Variants in COMMD10 observed in about 807,000 individuals in gnomAD.
The protein encoded by COMMD10 is COMM domain-containing protein 10.
Under a neutral mutation model 28.9 loss-of-function variants are expected in COMMD10, and 33 were observed. The observed-to-expected ratio is 1.14, with a 90% CI of 0.87 to 1.53. The LOEUF (loss-of-function observed/expected upper bound fraction) is 1.53. Ranked by LOEUF, COMMD10 falls within the 40% of genes most tolerant of loss-of-function variation. The pLI, the probability that COMMD10 is intolerant of heterozygous loss-of-function variation, is 0.00. For missense variants in COMMD10, 310 were observed against 233.4 expected, an observed-to-expected ratio of 1.33 and a Z score of -2.14; for synonymous variants, 110 against 81.7, an observed-to-expected ratio of 1.35 and a Z score of -1.87.
intron 4 of COMMD10, among the ~76,000 whole-genome samples, chr5:116,121,464 T>C (rs992760456): frequency 1.3e-5 from 2 of 152,146 alleles, no homozygotes; most frequent in Non-Finnish European, 2.9e-5. Flanking sequence ...GTCTTTATAG[T>C]AGCATGATTT....
chr5:116,144,337 G>T (rs1019121328), intron 5 of COMMD10, among the ~76,000 whole-genome samples: 1 of 151,854 alleles, frequency 6.6e-6, no homozygotes, highest in African/African-American at 2.4e-5. Flanking sequence ...AGTAAAGTTA[G>T]AGGGAAGCAG....
At chr5:116,212,887 T>C (rs1418080313) in intron 5 of COMMD10, among the ~76,000 whole-genome samples, 1 of 152,050 alleles carries the variant, frequency 6.6e-6, no homozygotes, top group Non-Finnish European at 1.5e-5. Flanking sequence ...CATAATAAAA[T>C]TTATGTCATG....
chr5:116,284,793 A>G (rs79438254), intron 5 of COMMD10, among the ~76,000 whole-genome samples: 4,514 of 151,920 alleles, frequency 0.03, 329 homozygotes, highest in African/African-American at 0.11. Context: ...GAGTTGACTC[A>G]TAGGCCAGAA....
intron 5 of COMMD10, among the ~76,000 whole-genome samples, chr5:116,161,418 G>C (rs1752911768): frequency 6.6e-6 from 1 of 151,994 alleles, no homozygotes; most frequent in Non-Finnish European, 1.5e-5. Flanking sequence ...TTCAGGTGAA[G>C]TTACAAGTGC....
intron 4 of COMMD10, among the ~76,000 whole-genome samples, chr5:116,128,448 A>G (rs1561618558): frequency 1.3e-5 from 2 of 152,082 alleles, no homozygotes; most frequent in Admixed American, 6.6e-5. Context: ...AATATGAAAT[A>G]ATAAAGAAAT....
At chr5:116,158,613 A>G (rs72804847) in intron 5 of COMMD10, among the ~76,000 whole-genome samples, 3,355 of 147,568 alleles carry the variant, frequency 0.023, 75 homozygotes, top group Middle Eastern at 0.042. Context: ...AAGTGCTGGG[A>G]TTATAGGAAT....
At chr5:116,154,859 A>C (rs1752654955) in intron 5 of COMMD10, among the ~76,000 whole-genome samples, 1 of 151,982 alleles carries the variant, frequency 6.6e-6, no homozygotes, top group Non-Finnish European at 1.5e-5. Context: ...CTTTAGTGCA[A>C]AAGGTAATAA....
intron 4 of COMMD10, among the ~76,000 whole-genome samples, chr5:116,127,529 A>T (rs1452808960): frequency 6.6e-6 from 1 of 152,218 alleles, no homozygotes; most frequent in Non-Finnish European, 1.5e-5. Flanking sequence ...AGCAACCCAA[A>T]TTTCCGTCAA....
At chr5:116,100,720 TGAAG>T (rs1388297162) in intron 4 of COMMD10, among the ~76,000 whole-genome samples, 2 of 152,182 alleles carry the variant, frequency 1.3e-5, no homozygotes, top group African/African-American at 4.8e-5. Flanking sequence ...AGAATATGAT[TGAAG>T]GGATTTTAAA....
At chr5:116,267,918 C>G (rs1185788278) in intron 5 of COMMD10, among the ~76,000 whole-genome samples, 1 of 151,802 alleles carries the variant, frequency 6.6e-6, no homozygotes, top group African/African-American at 2.4e-5. Context: ...GAAACTGGAT[C>G]CCTTCCTTAC....
intron 5 of COMMD10, among the ~76,000 whole-genome samples, chr5:116,270,443 G>C (rs1320149347): frequency 6.6e-6 from 1 of 151,880 alleles, no homozygotes; most frequent in Non-Finnish European, 1.5e-5. Context: ...GTCTTTTGTA[G>C]AGAGTAGCAT....
intron 5 of COMMD10, among the ~76,000 whole-genome samples, chr5:116,257,628 C>T (rs575209003): frequency 6.6e-6 from 1 of 151,580 alleles, no homozygotes; most frequent in Non-Finnish European, 1.5e-5. Flanking sequence ...TACCTGAAAT[C>T]ATGGTACTAG....
At chr5:116,141,568 G>A (rs562953531) in intron 5 of COMMD10, among the ~76,000 whole-genome samples, 50 of 151,738 alleles carry the variant, frequency 3.3e-4, no homozygotes, top group African/African-American at 1.2e-3. Flanking sequence ...ATTTAATTAT[G>A]TCATCTTCAA....
chr5:116,282,884 T>A (rs1268872940), intron 5 of COMMD10, among the ~76,000 whole-genome samples: 1 of 151,886 alleles, frequency 6.6e-6, no homozygotes, highest in African/African-American at 2.4e-5. Context: ...ACTTAAAAAT[T>A]TTGAGAACAC....
intron 5 of COMMD10, among the ~76,000 whole-genome samples, chr5:116,203,778 G>A (rs934145097): frequency 6.6e-6 from 1 of 152,092 alleles, no homozygotes; most frequent in Admixed American, 6.6e-5. Context: ...ACCAGCCACA[G>A]CAAAATCATG....
At chr5:116,172,758 G>A (rs2112584096) in intron 5 of COMMD10, among the ~76,000 whole-genome samples, 1 of 152,284 alleles carries the variant, frequency 6.6e-6, no homozygotes, top group East Asian at 1.9e-4. Context: ...GTGCATAGAT[G>A]TGGGTTAAAA....
At chr5:116,165,715 G>A (rs944563018) in intron 5 of COMMD10, among the ~76,000 whole-genome samples, 1 of 151,664 alleles carries the variant, frequency 6.6e-6, no homozygotes, top group African/African-American at 2.4e-5. Flanking sequence ...TTCTTACCTT[G>A]TTATTTTCTA....
At chr5:116,281,468 A>G (rs1205446750) in intron 5 of COMMD10, among the ~76,000 whole-genome samples, 4 of 151,710 alleles carry the variant, frequency 2.6e-5, no homozygotes, top group East Asian at 1.9e-4. Flanking sequence ...TTGCACTTTC[A>G]TTTTCACTTT....
chr5:116,195,665 C>T (rs10041334), intron 5 of COMMD10, among the ~76,000 whole-genome samples: 24 of 151,954 alleles, frequency 1.6e-4, no homozygotes, highest in Non-Finnish European at 2.6e-4. Flanking sequence ...CATAGATGAC[C>T]CAAACAAATG....
Sources: allele counts gnomAD v4.1 joint callset (sites outside exome capture counted in the v4.1 genomes callset), GRCh38; gene constraint gnomAD v4.1.1; transcripts MANE v1.5; gene names NCBI Gene and HGNC (gene_info 2026-07-23, HGNC 2026-07-21).